Variants in KLHL1 observed in about 807,000 individuals in gnomAD.
The protein encoded by KLHL1 is kelch like family member 1, also known as kelch-like protein 1.
A neutral mutation model predicts 77.7 loss-of-function variants in KLHL1; 47 were observed. That is an observed-to-expected ratio of 0.60 (90% CI 0.48 to 0.77). The LOEUF (loss-of-function observed/expected upper bound fraction) is 0.77. KLHL1 is among the 30% of genes least tolerant of loss of function. KLHL1 has a pLI of 0.00. For synonymous variants in KLHL1, 360 were observed against 325.2 expected (o/e 1.11, Z -1.15); for missense variants, 925 against 910.8 (o/e 1.02, Z -0.20).
At chr13:69,841,944 C>T (rs956824408) in intron 5 of KLHL1, among the ~76,000 whole-genome samples, 8 of 151,838 alleles carry the variant, frequency 5.3e-5, no homozygotes, top group South Asian at 4.1e-4. Context: ...TGGGAAAGGA[C>T]ACCCTCTTCA....
intron 2 of KLHL1, among the ~76,000 whole-genome samples, chr13:69,966,444 A>G (rs1884212762): frequency 6.6e-6 from 1 of 152,154 alleles, no homozygotes; most frequent in Non-Finnish European, 1.5e-5. Context: ...GAGACTTACT[A>G]CTCATTGACA....
Position 69,796,878 on chromosome 13 carries a change from C to A in KLHL1, c.1499G>T (p.Gly500Val), listed in dbSNP as rs1877131016. 1 of 1,614,162 alleles carries A rather than the reference C, an allele frequency of 6.2e-7. No homozygotes were observed. Among genetic ancestry groups the A allele is most frequent in the East Asian group, 2.2e-5 (1 of 44,864 alleles). Residue 500 changes from glycine to valine, a missense_variant, in exon 7 of 11, where the codon GGT (glycine) becomes GTT (valine). Transcript: ENST00000377844. ...GAGTTTGTCATCAATAACAGCCACA[C>A]CAAACTGCAGCCTTCTGCCATTCAT... ...GMMNGRRLQF[G>V]VAVIDDKLFV...
chr13:69,702,748 T>A (rs1191428628), intron 10 of KLHL1, among the ~76,000 whole-genome samples: 2 of 151,802 alleles, frequency 1.3e-5, no homozygotes, highest in Non-Finnish European at 3.0e-5. Context: ...ATTCTTTTAA[T>A]GGATTATTTG....
chr13:70,002,917 T>C (rs1423792036), intron 1 of KLHL1, among the ~76,000 whole-genome samples: 1 of 151,450 alleles, frequency 6.6e-6, no homozygotes, highest in Non-Finnish European at 1.5e-5. Flanking sequence ...ACATAAGTAT[T>C]TTCATTATTT....
intron 5 of KLHL1, among the ~76,000 whole-genome samples, chr13:69,840,704 ATGTATGTATG>A (rs1879221652): frequency 7.9e-6 from 1 of 127,064 alleles, no homozygotes; most frequent in African/African-American, 2.6e-5. Context: ...ATATATATGT[ATGTATGTATG>A]TATGTATGTA....
chr13:69,909,538 TTTTTTTAAAAAAATCAAAAGTCCA>T (rs1346489333), intron 4 of KLHL1, among the ~76,000 whole-genome samples: 2 of 151,980 alleles, frequency 1.3e-5, no homozygotes, highest in Non-Finnish European at 2.9e-5. Context: ...GGGGATAATT[TTTTTTTAAAAAAATCAAAAGTCCA>T]GATATTTTCT....
At chr13:69,847,404 C>A (rs1281288055) in intron 5 of KLHL1, among the ~76,000 whole-genome samples, 15 of 145,924 alleles carry the variant, frequency 1.0e-4, no homozygotes, top group Middle Eastern at 3.6e-3. Context: ...ACTGCATTAG[C>A]AAAAAAAAAA....
At chr13:70,079,248 A>C (rs1030135880) in intron 1 of KLHL1, among the ~76,000 whole-genome samples, 2 of 152,082 alleles carry the variant, frequency 1.3e-5, no homozygotes, top group Non-Finnish European at 2.9e-5. Flanking sequence ...TCACCTAAGA[A>C]TCTTTTTAAT....
At chr13:69,895,783 T>C (rs1490639067) in intron 4 of KLHL1, among the ~76,000 whole-genome samples, 1 of 150,948 alleles carries the variant, frequency 6.6e-6, no homozygotes. Context: ...CTCGGCTCAC[T>C]GCAGCTACCA....
intron 7 of KLHL1, among the ~76,000 whole-genome samples, chr13:69,776,110 C>T (rs941300206): frequency 4.0e-4 from 61 of 151,514 alleles, no homozygotes; most frequent in Middle Eastern, 3.4e-3. Flanking sequence ...GAGCTGAGAT[C>T]GCACCACTGC....
intron 10 of KLHL1, among the ~76,000 whole-genome samples, chr13:69,706,156 T>A (rs1379445722): frequency 6.6e-6 from 1 of 151,728 alleles, no homozygotes; most frequent in Non-Finnish European, 1.5e-5. Context: ...TGCTTTTATT[T>A]TTTTTTTACA....
chr13:69,706,545 C>A (rs1224279583), intron 10 of KLHL1, among the ~76,000 whole-genome samples: 1 of 151,852 alleles, frequency 6.6e-6, no homozygotes, highest in Non-Finnish European at 1.5e-5. Flanking sequence ...TAGTCAATTT[C>A]TTTGACCAAA....
At chr13:69,988,169 T>G (rs9317862) in intron 1 of KLHL1, among the ~76,000 whole-genome samples, 151,034 of 152,010 alleles carry the variant, frequency 0.99, 75,044 homozygotes, top group East Asian at 1. Context: ...CTGTCCATGT[T>G]CTCGCATTAC....
chr13:69,964,910 AT>A (rs1884169294), intron 2 of KLHL1, among the ~76,000 whole-genome samples: 2 of 151,978 alleles, frequency 1.3e-5, no homozygotes, highest in Non-Finnish European at 2.9e-5. Context: ...ATTCTCCTGC[AT>A]TTTCTGTCTA....
chr13:69,751,529 G>A (rs905945188), intron 7 of KLHL1, among the ~76,000 whole-genome samples: 3 of 152,046 alleles, frequency 2.0e-5, no homozygotes, highest in East Asian at 1.9e-4. Flanking sequence ...AGAAACACTC[G>A]TGTTGTGATA....
chr13:69,944,965 A>G (rs1169928962), intron 3 of KLHL1, among the ~76,000 whole-genome samples: 5 of 150,910 alleles, frequency 3.3e-5, no homozygotes, highest in Non-Finnish European at 7.4e-5. Flanking sequence ...TCAAACATTA[A>G]ACTATAAAAC....
At chr13:69,948,838 G>A (rs1225951749) in intron 3 of KLHL1, among the ~76,000 whole-genome samples, 4 of 151,718 alleles carry the variant, frequency 2.6e-5, no homozygotes, top group Non-Finnish European at 5.9e-5. Context: ...ATTGTTTTAG[G>A]AATGTGCATT....
chr13:69,966,401 G>A (rs140166010), intron 2 of KLHL1, among the ~76,000 whole-genome samples: 3 of 152,232 alleles, frequency 2.0e-5, no homozygotes, highest in East Asian at 1.9e-4. Flanking sequence ...ATCGTTTGCA[G>A]AATGGCTTAC....
chr13:69,870,928 A>G (rs986120445), intron 5 of KLHL1, among the ~76,000 whole-genome samples: 1 of 152,060 alleles, frequency 6.6e-6, no homozygotes, highest in African/African-American at 2.4e-5. Context: ...GACTGCTTGC[A>G]ACTCTTCCAG....
Sources: allele counts gnomAD v4.1 joint callset (sites outside exome capture counted in the v4.1 genomes callset), GRCh38; gene constraint gnomAD v4.1.1; transcripts MANE v1.5; gene names NCBI Gene and HGNC (gene_info 2026-07-23, HGNC 2026-07-21).